CADM2: variants seen among roughly 807,000 people sequenced by gnomAD.
The protein encoded by CADM2 is immunoglobulin superfamily member 4D.
A neutral mutation model predicts 49.8 loss-of-function variants in CADM2; 12 were observed. That is an observed-to-expected ratio of 0.24 (90% CI 0.15 to 0.39). The LOEUF (loss-of-function observed/expected upper bound fraction) is 0.39. Ranked by LOEUF, CADM2 falls within the 10% of genes least tolerant of loss-of-function variation. CADM2 has a pLI of 1.00. For synonymous variants in CADM2, 214 were observed against 175.4 expected, an observed-to-expected ratio of 1.22 and a Z score of -1.74; for missense variants, 378 against 492.3, an observed-to-expected ratio of 0.77 and a Z score of 2.20.
intron 3 of CADM2, among the ~76,000 whole-genome samples, chr3:85,827,157 G>A (rs1490809914): frequency 1.3e-5 from 2 of 151,640 alleles, no homozygotes; most frequent in Non-Finnish European, 2.9e-5. Context: ...AATCACACTA[G>A]GTTTCATTAA....
At chr3:85,862,252 C>G (rs919277844) in intron 3 of CADM2, among the ~76,000 whole-genome samples, 3 of 151,976 alleles carry the variant, frequency 2.0e-5, no homozygotes, top group Admixed American at 1.3e-4. Flanking sequence ...ATTTCTTATT[C>G]TCCTTTTAAT....
chr3:85,715,854 C>T (rs747425457), intron 1 of CADM2, among the ~76,000 whole-genome samples: 1 of 152,190 alleles, frequency 6.6e-6, no homozygotes, highest in Non-Finnish European at 1.5e-5. Context: ...TTTATAGCTG[C>T]ATAGTATTCC....
chr3:85,493,803 C>A (rs1340566728), intron 1 of CADM2, among the ~76,000 whole-genome samples: 2 of 152,128 alleles, frequency 1.3e-5, no homozygotes, highest in African/African-American at 4.8e-5. Context: ...AAGGTTTGTA[C>A]TTCCGGCAAG....
intron 7 of CADM2, among the ~76,000 whole-genome samples, chr3:85,953,874 TAA>T (rs1723740149): frequency 6.6e-6 from 1 of 150,946 alleles, no homozygotes; most frequent in African/African-American, 2.4e-5. Context: ...TCTTAAGATA[TAA>T]GTGTAGAATA....
chr3:85,664,398 T>G (rs1404609192), intron 1 of CADM2, among the ~76,000 whole-genome samples: 1 of 152,020 alleles, frequency 6.6e-6, no homozygotes, highest in African/African-American at 2.4e-5. Context: ...GATTTCGCAT[T>G]TCAAGTGTAG....
At chr3:85,449,699 ACAAT>A (rs1241197142) in intron 1 of CADM2, among the ~76,000 whole-genome samples, 1 of 152,084 alleles carries the variant, frequency 6.6e-6, no homozygotes, top group Admixed American at 6.6e-5. Flanking sequence ...TGGAAAACAG[ACAAT>A]CAGTTCTTAA....
At chr3:84,969,263 GATATA>G (rs1157061330) in intron 1 of CADM2, among the ~76,000 whole-genome samples, 1 of 151,916 alleles carries the variant, frequency 6.6e-6, no homozygotes, top group East Asian at 1.9e-4. Context: ...TTTATAAGCT[GATATA>G]ATAAATATGT....
intron 1 of CADM2, among the ~76,000 whole-genome samples, chr3:85,359,168 G>A (rs1405610422): frequency 1.3e-5 from 2 of 152,050 alleles, no homozygotes; most frequent in Non-Finnish European, 2.9e-5. Context: ...TTTCAACCAT[G>A]CAAATGAGCA....
chr3:85,417,891 CTA>C (rs1315857674), intron 1 of CADM2, among the ~76,000 whole-genome samples: 1 of 151,994 alleles, frequency 6.6e-6, no homozygotes, highest in Non-Finnish European at 1.5e-5. Context: ...TTTAGAAGGT[CTA>C]TGATGGATCT....
chr3:86,005,485 A>G (rs946561643), intron 8 of CADM2, among the ~76,000 whole-genome samples: 2 of 151,410 alleles, frequency 1.3e-5, no homozygotes, highest in African/African-American at 4.9e-5. Context: ...CAGGAGGCAG[A>G]GATTGCCGTG....
rs139890320 is a variant in CADM2, at chr3:86,065,615, T to C, written c.981T>C (p.Ala327=). Residue 327 remains alanine (A), a synonymous_variant, in exon 9 of 10, where the codon GCT becomes GCC. Coordinates refer to ENST00000383699, the MANE Select transcript of CADM2 (RefSeq NM_001167675.2). ...EYVLIVHDPN[A]LAGQNGPDHA... ...TCCTGTCTTTTCCAGATCCTAATGC[T>C]TTGGCTGGCCAGAATGGCCCTGACC... The C allele has an allele frequency of 4.4e-3, 7,111 of 1,612,896 alleles. 24 individuals are homozygous for C. Among genetic ancestry groups the C allele is most frequent in the Non-Finnish European group, 5.5e-3 (6,435 of 1,179,570 alleles).
intron 1 of CADM2, among the ~76,000 whole-genome samples, chr3:85,039,089 C>A (rs1481108021): frequency 3.3e-5 from 5 of 152,102 alleles, no homozygotes; most frequent in Non-Finnish European, 7.4e-5. Flanking sequence ...GCAATCTCTG[C>A]CTCCTCGGTT....
chr3:85,020,211 G>T (rs570404130), intron 1 of CADM2, among the ~76,000 whole-genome samples: 1 of 151,988 alleles, frequency 6.6e-6, no homozygotes, highest in South Asian at 2.1e-4. Context: ...TTGCCTGGTG[G>T]TTTCAATGAA....
chr3:85,327,895 C>T (rs1455137654), intron 1 of CADM2, among the ~76,000 whole-genome samples: 1 of 152,072 alleles, frequency 6.6e-6, no homozygotes, highest in Non-Finnish European at 1.5e-5. Flanking sequence ...GCCACTAACC[C>T]AGGCCCTTCT....
chr3:85,234,490 A>G (rs1350084480), intron 1 of CADM2, among the ~76,000 whole-genome samples: 3 of 152,152 alleles, frequency 2.0e-5, no homozygotes, highest in African/African-American at 4.8e-5. Context: ...GTGAAGTAAC[A>G]TATAGGTTAA....
At chr3:85,806,176 G>A (rs2072402796) in intron 3 of CADM2, among the ~76,000 whole-genome samples, 1 of 144,664 alleles carries the variant, frequency 6.9e-6, no homozygotes, top group Non-Finnish European at 1.5e-5. Context: ...GCGAGGGAGG[G>A]AGGGAGGGAG....
At chr3:85,404,553 T>C (rs1249764232) in intron 1 of CADM2, among the ~76,000 whole-genome samples, 1 of 152,154 alleles carries the variant, frequency 6.6e-6, no homozygotes, top group East Asian at 1.9e-4. Flanking sequence ...TTTGATTTTC[T>C]CCAGCTAGCT....
At chr3:85,336,968 A>AATATAT (rs1302068228) in intron 1 of CADM2, among the ~76,000 whole-genome samples, 1 of 16,596 alleles carries the variant, frequency 6.0e-5, no homozygotes, top group Non-Finnish European at 7.2e-4. Flanking sequence ...ATATATATTA[A>AATATAT]ATATATATTT....
chr3:85,259,604 C>T (rs1309408909), intron 1 of CADM2, among the ~76,000 whole-genome samples: 1 of 152,014 alleles, frequency 6.6e-6, no homozygotes, highest in African/African-American at 2.4e-5. Context: ...ATTTTTACTG[C>T]ACTGAATAAA....
Sources: allele counts gnomAD v4.1 joint callset (sites outside exome capture counted in the v4.1 genomes callset), GRCh38; gene constraint gnomAD v4.1.1; transcripts MANE v1.5; gene names NCBI Gene and HGNC (gene_info 2026-07-23, HGNC 2026-07-21).